Variants in DMD observed in about 807,000 individuals in gnomAD.
DMD encodes dystrophin, also known as mutant dystrophin.
DMD carries 63 observed loss-of-function variants against 330.1 expected under a neutral mutation model. The ratio of observed to expected loss-of-function variants is 0.19; its 90% CI spans 0.16 to 0.24. DMD has a LOEUF of 0.24. DMD is among the 10% of genes least tolerant of loss of function. The pLI, the probability that DMD is intolerant of heterozygous loss-of-function variation, is 1.00. For synonymous variants in DMD, 1,223 were observed against 959.8 expected (o/e 1.27, Z -5.07); for missense variants, 3,344 against 2,684.1 (o/e 1.25, Z -5.43).
chrX:32,011,653 G>A (rs1285238025), intron 44 of DMD, among the ~76,000 whole-genome samples: 9 of 111,276 alleles, frequency 8.1e-5, no homozygotes, highest in Admixed American at 1.9e-4. Context: ...AGGTCCTGCC[G>A]AACAGGACAG....
intron 27 of DMD, among the ~76,000 whole-genome samples, chrX:32,446,188 T>A (rs2098303392): frequency 9.0e-6 from 1 of 110,854 alleles, no homozygotes; most frequent in Non-Finnish European, 1.9e-5. Flanking sequence ...GTATCTGTTC[T>A]AATTAACACA....
chrX:33,224,321 G>C (rs2052244519), intron 1 of DMD, among the ~76,000 whole-genome samples: 1 of 111,982 alleles, frequency 8.9e-6, no homozygotes, highest in Non-Finnish European at 1.9e-5. Flanking sequence ...CCTGAACTTG[G>C]AAACAACAAG....
intron 55 of DMD, among the ~76,000 whole-genome samples, chrX:31,611,334 C>T (rs955273483): frequency 1.8e-5 from 2 of 110,895 alleles, no homozygotes; most frequent in Non-Finnish European, 3.8e-5. Flanking sequence ...AGAAGATCAA[C>T]CTGAGATCTC....
At chrX:32,644,943 T>C in intron 10 of DMD, 21 bp downstream of exon 10, 1 of 1,207,042 alleles carries the variant, frequency 8.3e-7, no homozygotes, top group Non-Finnish European at 1.1e-6. Flanking sequence ...TTTTGTTTTG[T>C]AAATTAACGT....
At chrX:32,191,407 T>A (rs2096974967) in intron 44 of DMD, among the ~76,000 whole-genome samples, 1 of 112,180 alleles carries the variant, frequency 8.9e-6, no homozygotes, top group African/African-American at 3.2e-5. Flanking sequence ...CTCTGACTGG[T>A]TTAAAATCTC....
At chrX:31,185,121 AAAAT>A (rs2041634876) in intron 67 of DMD, among the ~76,000 whole-genome samples, 1 of 110,902 alleles carries the variant, frequency 9.0e-6, no homozygotes, top group African/African-American at 3.3e-5. Flanking sequence ...TAATAAAAAT[AAAAT>A]AAAAAAAATA....
At chrX:32,877,884 C>A (rs779409960) in intron 2 of DMD, among the ~76,000 whole-genome samples, 5 of 111,755 alleles carry the variant, frequency 4.5e-5, no homozygotes, top group African/African-American at 9.8e-5. Context: ...ACTTTGCCTG[C>A]GATTGCTCCT....
In DMD at chrX:31,478,342, T is replaced by A; in HGVS notation, c.8701A>T (p.Thr2901Ser). 8.3e-7 allele frequency: 1 copy of A among 1,211,677 alleles called. No homozygotes were observed. ...TCAGCCTGCTTTCGTAGAAGCCGAGTGACATTCTGGGCTCTCTCCTCAGGA... is the reference window on the plus strand; with the variant it reads ...TCAGCCTGCTTTCGTAGAAGCCGAGAGACATTCTGGGCTCTCTCCTCAGGA... ...LPPEERAQNVTRLLRKQAEEV... is the reference protein window; with the variant it reads ...LPPEERAQNVSRLLRKQAEEV... The change falls in exon 59 of 79, where the codon ACT becomes TCT. Residue 2901 changes from threonine (T) to serine (S), a missense_variant. Transcript: ENST00000357033.
chrX:31,438,752 GATTAGTACA>G (rs765929209), intron 60 of DMD, among the ~76,000 whole-genome samples: 4 of 111,082 alleles, frequency 3.6e-5, no homozygotes, highest in African/African-American at 1.3e-4. Flanking sequence ...AATGCAAAAT[GATTAGTACA>G]GGATCATTAA....
At chrX:32,158,650 G>A (rs567294455) in intron 44 of DMD, among the ~76,000 whole-genome samples, 4 of 110,978 alleles carry the variant, frequency 3.6e-5, no homozygotes, top group Admixed American at 9.6e-5. Context: ...CTACCCAACC[G>A]TCAATTACTA....
intron 74 of DMD, among the ~76,000 whole-genome samples, chrX:31,147,831 T>C (rs1327004434): frequency 9.0e-6 from 1 of 111,477 alleles, no homozygotes; most frequent in Admixed American, 9.6e-5. Context: ...GCAAAGGATT[T>C]AATCACTTTG....
At chrX:32,347,837 G>T (rs1478412719) in intron 38 of DMD, among the ~76,000 whole-genome samples, 1 of 111,700 alleles carries the variant, frequency 9.0e-6, no homozygotes, top group African/African-American at 3.2e-5. Flanking sequence ...GATTGAAGGA[G>T]AATATTCTGA....
intron 9 of DMD, among the ~76,000 whole-genome samples, chrX:32,681,547 C>T (rs1473896840): frequency 9.0e-6 from 1 of 111,657 alleles, no homozygotes; most frequent in Non-Finnish European, 1.9e-5. Context: ...ATTGCAGGAC[C>T]TGCTTCAAAA....
intron 63 of DMD, among the ~76,000 whole-genome samples, chrX:31,252,369 C>T (rs1436358105): frequency 8.9e-6 from 1 of 111,877 alleles, no homozygotes; most frequent in Non-Finnish European, 1.9e-5. Flanking sequence ...AATGGATGTT[C>T]CTTTGAGAAC....
intron 1 of DMD, among the ~76,000 whole-genome samples, chrX:33,202,494 G>A (rs2051333535): frequency 8.9e-6 from 1 of 111,943 alleles, no homozygotes; most frequent in South Asian, 3.7e-4. Context: ...ACTTATTACA[G>A]GCTTGTTAAA....
chrX:31,244,942 T>C (rs184502369), intron 63 of DMD, among the ~76,000 whole-genome samples: 2 of 111,944 alleles, frequency 1.8e-5, no homozygotes, highest in East Asian at 5.6e-4. Flanking sequence ...GCCCTAAAGT[T>C]TGAAAATACA....
chrX:32,476,073 T>C (rs1239144154), intron 21 of DMD, among the ~76,000 whole-genome samples: 3 of 111,377 alleles, frequency 2.7e-5, no homozygotes, highest in Non-Finnish European at 5.7e-5. Flanking sequence ...TTTCAGCAAA[T>C]GATCTAGAAG....
At chrX:32,428,673 G>A (rs1000369867) in intron 29 of DMD, among the ~76,000 whole-genome samples, 15 of 111,575 alleles carry the variant, frequency 1.3e-4, no homozygotes, top group African/African-American at 4.9e-4. Flanking sequence ...AGTGGAGACT[G>A]CAATCTCAGC....
intron 55 of DMD, among the ~76,000 whole-genome samples, chrX:31,524,689 G>A (rs1161203110): frequency 8.9e-6 from 1 of 112,002 alleles, no homozygotes; most frequent in East Asian, 2.8e-4. Flanking sequence ...TTCTCCCTTC[G>A]TTCTGTCTCT....
Sources: gnomAD v4.1 joint callset for allele counts (sites outside exome capture counted in the v4.1 genomes callset) on GRCh38, gnomAD v4.1.1 for gene constraint, MANE v1.5 for transcripts, NCBI Gene and HGNC (gene_info 2026-07-23, HGNC 2026-07-21) for gene names.